Variants in DNAH5 observed in about 807,000 individuals in gnomAD.
The protein encoded by DNAH5 is axonemal beta dynein heavy chain 5.
Under a neutral mutation model 518.2 loss-of-function variants are expected in DNAH5, and 372 were observed. The ratio of observed to expected loss-of-function variants is 0.72; its 90% CI spans 0.66 to 0.78. DNAH5 has a LOEUF of 0.78. Among genes scored for constraint, DNAH5 ranks in the 30% least tolerant of loss-of-function variants. DNAH5 has a pLI of 0.00. For synonymous variants in DNAH5, 2,039 were observed against 2,025.9 expected (o/e 1.01, Z -0.17); for missense variants, 5,523 against 5,687.0 (o/e 0.97, Z 0.93).
intron 38 of DNAH5, among the ~76,000 whole-genome samples, chr5:13,826,956 G>A (rs1293161752): frequency 6.6e-6 from 1 of 152,138 alleles, no homozygotes; most frequent in East Asian, 1.9e-4. Flanking sequence ...GAATGGCTTT[G>A]AGCAAAACAC....
rs946801652 is a variant in DNAH5 at position 13,939,778 on chromosome 5, T to C, written c.57+4604A>G. The stretch of plus-strand genomic sequence containing the variant: ...ATTTATCCCGGTGAAGGGCCACAGC[T>C]GCAGAGGAAGCACGGCACCTCCTTC... On this transcript the variant is annotated intron_variant, in intron 1 of 78. Coordinates refer to ENST00000265104, the MANE Select transcript of DNAH5 (RefSeq NM_001369.3). Among the ~76,000 whole-genome samples the C allele has an allele frequency of 7.2e-5, 11 of 152,304 alleles. 1 individual carries two copies. The South Asian group carries it at 1.0e-3, about 14-fold the overall frequency.
chr5:13,714,634 A>G lies in DNAH5; in HGVS notation c.12910-14T>C, dbSNP rs752241896. On this transcript the variant is annotated splice_polypyrimidine_tract_variant and intron_variant, in intron 74 of 78. Coordinates refer to ENST00000265104, the MANE Select transcript of DNAH5 (RefSeq NM_001369.3). ...GGCAGGCAAACTCTGAACAACAGACACCCCAGATAAGCACAGACTGCCAAC... is the reference window on the plus strand; with the variant it reads ...GGCAGGCAAACTCTGAACAACAGACGCCCCAGATAAGCACAGACTGCCAAC... The G allele has an allele frequency of 1.4e-5, 23 of 1,612,750 alleles. No individual in the cohort carries two copies. Among genetic ancestry groups the G allele is most frequent in the Non-Finnish European group, 1.9e-5 (22 of 1,179,520 alleles).
chr5:13,768,953 G>T lies in DNAH5; in HGVS notation c.9897+7C>A, dbSNP rs2126775713. On this transcript the variant is annotated splice_region_variant and intron_variant, in intron 58 of 78. Transcript: ENST00000265104. The stretch of plus-strand genomic sequence containing the variant: ...AAGCTGACATCTGTTATATCACATA[G>T]ATGCACCTGCAATGCAGCTTCTGCC... 1 of 1,614,042 alleles carries T rather than the reference G, an allele frequency of 6.2e-7. No individual in the cohort carries two copies.
intron 25 of DNAH5, among the ~76,000 whole-genome samples, chr5:13,866,969 G>T (rs1358959654): frequency 6.6e-6 from 1 of 152,084 alleles, no homozygotes; most frequent in African/African-American, 2.4e-5. Flanking sequence ...GGCAAGGCTT[G>T]ATCTGTCTTA....
At position 13,830,313 on chromosome 5, in the gene DNAH5, T is replaced by C. The variant is rs537323196; in HGVS notation, c.6062-100A>G. On this transcript the variant is annotated intron_variant, in intron 36 of 78. Transcript: ENST00000265104. ...CTGCTAAAATGAGCCAGATGTAAGT[T>C]CATTCAAAAGTAAAGTGCAACAAAT... 448 of 1,176,700 alleles carry C rather than the reference T, an allele frequency of 3.8e-4. 2 individuals carry two copies. The East Asian group carries it at 0.011, about 29-fold the overall frequency. 72.9% of individuals were successfully genotyped at this position (1,176,700 alleles called of 1,614,324 possible). A position where few individuals can be genotyped will look rare whatever the true frequency, so the allele number is the denominator to read the frequency against.
chr5:13,926,003 G>A (rs568323768), intron 3 of DNAH5, among the ~76,000 whole-genome samples: 5 of 152,096 alleles, frequency 3.3e-5, no homozygotes, highest in Admixed American at 6.6e-5. Context: ...TGGAGTTTAG[G>A]AACAAAATGA....
At chr5:13,871,393 C>T (rs538601363) in intron 23 of DNAH5, among the ~76,000 whole-genome samples, 171 bp downstream of exon 23, 1 of 151,804 alleles carries the variant, frequency 6.6e-6, no homozygotes, top group Admixed American at 6.6e-5. Flanking sequence ...AGTCCAGAAT[C>T]AATAATTATG....
In DNAH5 at chr5:13,911,426, T is replaced by C. The variant is rs760532344; in HGVS notation, c.1604A>G (p.Gln535Arg). 1 of 1,613,938 alleles carries C rather than the reference T, an allele frequency of 6.2e-7. No homozygotes were observed. Reference sequence around the variant, plus strand: ...CTGCTTGCAAAACTCTTCGTAATCTTGGTCAAAATCCATTTTCCGCTGGTC... The same window carrying C: ...CTGCTTGCAAAACTCTTCGTAATCTCGGTCAAAATCCATTTTCCGCTGGTC... ...FLDQRKMDFD[Q>R]DYEEFCKQTN... The change falls in exon 12 of 79, where the codon CAA becomes CGA. Residue 535 changes from glutamine to arginine, a missense_variant. By Grantham distance (43) the Gln-to-Arg change is conservative. This residue lies in a region of DNAH5 where 5,121 missense variants were observed against 5,223.3 expected (regional missense o/e 0.98). Coordinates refer to ENST00000265104, the MANE Select transcript of DNAH5 (RefSeq NM_001369.3).
In DNAH5 at chr5:13,823,300, G is replaced by T. The variant is rs748338986; in HGVS notation, c.6650C>A (p.Ala2217Glu). The T allele has an allele frequency of 6.2e-7, 1 of 1,613,744 alleles. No individual in the cohort carries two copies. ...DLFPNILLDK[A>E]GYPELEAAIS... is the part of the protein sequence containing the mutation. The stretch of plus-strand genomic sequence containing the variant: ...TGCTGCTTCCAGTTCAGGGTAACCT[G>T]CCTTGTCCAGAAGAATATTTGGAAA... The change falls in exon 40 of 79, where the codon GCA becomes GAA. Residue 2217 changes from alanine (A) to glutamate (E), a missense_variant. By Grantham distance (107) the Ala-to-Glu change is moderately radical. Transcript: ENST00000265104.
At chr5:13,936,374 C>T (rs1778924460) in intron 1 of DNAH5, among the ~76,000 whole-genome samples, 1 of 152,174 alleles carries the variant, frequency 6.6e-6, no homozygotes, top group Admixed American at 6.6e-5. Flanking sequence ...CCAAAAAGCT[C>T]AGTGACTGTC....
intron 1 of DNAH5, among the ~76,000 whole-genome samples, chr5:13,998,020 C>A (rs1406190330): frequency 6.6e-6 from 1 of 151,844 alleles, no homozygotes; most frequent in African/African-American, 2.4e-5. Flanking sequence ...ATTTTTGTAT[C>A]TTTAGTAGAG....
intron 55 of DNAH5, among the ~76,000 whole-genome samples, chr5:13,775,392 T>C (rs1753936658): frequency 6.6e-6 from 1 of 151,894 alleles, no homozygotes; most frequent in African/African-American, 2.4e-5. Context: ...TGATAGATAA[T>C]CAATAAATAG....
intron 76 of DNAH5, 76 bp from the exon 77 acceptor site, chr5:13,701,512 A>G: frequency 7.8e-7 from 1 of 1,287,448 alleles, no homozygotes; most frequent in African/African-American, 1.5e-5. Context: ...TTCACTGAAA[A>G]AAAAAAAAGA....
intron 52 of DNAH5, among the ~76,000 whole-genome samples, chr5:13,784,621 G>A (rs939275055): frequency 9.9e-5 from 15 of 152,110 alleles, no homozygotes; most frequent in East Asian, 5.8e-4. Flanking sequence ...AACCCCCTCC[G>A]TTTGTAGATT....
rs866655127 is a variant in DNAH5, at chr5:13,814,510, C to T, written c.7230+95G>A. ...AAACATTAGCATAAAAATGCAGTTA[C>T]ACTGCCATCTGCAGAAAAATTGGCA... is the stretch of plus-strand genomic sequence containing the variant. On this transcript the variant is annotated intron_variant, in intron 43 of 78. Coordinates refer to ENST00000265104, the MANE Select transcript of DNAH5 (RefSeq NM_001369.3). 48 of 1,235,374 alleles carry T rather than the reference C, an allele frequency of 3.9e-5. 1 individual carries two copies. In the Middle Eastern group the frequency reaches 6.5e-3, roughly 167 times the overall value. The allele number at this position is 1,235,374 out of a possible 1,614,324, so 76.5% of individuals were successfully genotyped here. A position where few individuals can be genotyped will look rare whatever the true frequency, so the allele number is the denominator to read the frequency against.
At chr5:14,007,547 T>G (rs1784803112) in intron 1 of DNAH5, among the ~76,000 whole-genome samples, 1 of 152,230 alleles carries the variant, frequency 6.6e-6, no homozygotes, top group Non-Finnish European at 1.5e-5. Flanking sequence ...AGTCTGATCA[T>G]AATTCTATTA....
intron 65 of DNAH5, 44 bp from the exon 66 acceptor site, chr5:13,737,539 C>A (rs1561143157): frequency 1.9e-6 from 3 of 1,596,314 alleles, no homozygotes; most frequent in Non-Finnish European, 8.6e-7. Context: ...ATTAACAACT[C>A]TTGTTGAGTA....
At chr5:13,785,395 A>G (rs564748965) in intron 52 of DNAH5, among the ~76,000 whole-genome samples, 2 of 152,302 alleles carry the variant, frequency 1.3e-5, no homozygotes, top group South Asian at 2.1e-4. Context: ...CCCTTCTCAT[A>G]TGACAAACTA....
intron 22 of DNAH5, among the ~76,000 whole-genome samples, chr5:13,875,663 G>A (rs1233934476): frequency 6.6e-6 from 1 of 151,830 alleles, no homozygotes; most frequent in Non-Finnish European, 1.5e-5. Context: ...AATGTTTATT[G>A]TTATCATGAA....
Sources: gnomAD v4.1 joint callset for allele counts (sites outside exome capture counted in the v4.1 genomes callset) on GRCh38, gnomAD v4.1.1 for gene constraint, gnomAD v4.1.1 regional missense constraint, MANE v1.5 for transcripts, NCBI Gene and HGNC (gene_info 2026-07-23, HGNC 2026-07-21) for gene names.